The following SCHIP1 variants were observed in gnomAD, a reference collection of about 807,000 sequenced individuals.
SCHIP1 encodes the protein schwannomin-interacting protein 1.
In SCHIP1, 8 loss-of-function variants were observed where a neutral mutation model predicts 29.7. The observed-to-expected ratio is 0.27, with a 90% CI of 0.16 to 0.49. The LOEUF (loss-of-function observed/expected upper bound fraction) is 0.49, where lower values mean the gene tolerates loss of function less well. Ranked by LOEUF, SCHIP1 falls within the 20% of genes least tolerant of loss-of-function variation. The pLI is 0.99. For missense variants in SCHIP1, 193 were observed against 294.6 expected, an observed-to-expected ratio of 0.66 and a Z score of 2.52; for synonymous variants, 76 against 94.9, an observed-to-expected ratio of 0.80 and a Z score of 1.16.
chr3:159,735,089 C>T, the SCHIP1 span, among the ~76,000 whole-genome samples: 3 of 152,164 alleles, frequency 2.0e-5, no homozygotes, highest in South Asian at 2.1e-4. Flanking sequence ...ACTCCATAGT[C>T]TTAAAGAACA....
At chr3:159,819,787 T>C in the SCHIP1 span, among the ~76,000 whole-genome samples, 4 of 152,190 alleles carry the variant, frequency 2.6e-5, no homozygotes, top group Non-Finnish European at 4.4e-5. Context: ...CTTCCATTCT[T>C]TGTACTGCAG....
chr3:159,661,377 A>G, the SCHIP1 span, among the ~76,000 whole-genome samples: 2 of 152,230 alleles, frequency 1.3e-5, no homozygotes, highest in Admixed American at 1.3e-4. Context: ...AGCTATGTAT[A>G]GACCATTCCC....
At chr3:159,337,825 G>A in the SCHIP1 span, among the ~76,000 whole-genome samples, 3,235 of 152,162 alleles carry the variant, frequency 0.021, 106 homozygotes, top group African/African-American at 0.075. Flanking sequence ...AGACTATCAA[G>A]CATTGTAAAA....
At chr3:159,569,926 GA>G in the SCHIP1 span, among the ~76,000 whole-genome samples, 1 of 152,194 alleles carries the variant, frequency 6.6e-6, no homozygotes, top group African/African-American at 2.4e-5. Flanking sequence ...CAGCGATAAT[GA>G]GCATTTTTTT....
At chr3:159,298,003 T>A in the SCHIP1 span, among the ~76,000 whole-genome samples, 23,612 of 152,234 alleles carry the variant, frequency 0.16, 2,129 homozygotes, top group Middle Eastern at 0.27. Flanking sequence ...GTGCCAGTCT[T>A]CTGCTCACTA....
At chr3:159,789,109 TTG>T in the SCHIP1 span, among the ~76,000 whole-genome samples, 2 of 149,724 alleles carry the variant, frequency 1.3e-5, no homozygotes, top group Non-Finnish European at 3.0e-5. Flanking sequence ...TGTATACAGG[TTG>T]TGTGTGTGTA....
At chr3:159,736,332 T>C in the SCHIP1 span, among the ~76,000 whole-genome samples, 1 of 152,226 alleles carries the variant, frequency 6.6e-6, no homozygotes, top group African/African-American at 2.4e-5. Flanking sequence ...CTGTGTTCCT[T>C]AAAAATATTT....
At chr3:159,805,460 GTAC>G in the SCHIP1 span, among the ~76,000 whole-genome samples, 1 of 152,212 alleles carries the variant, frequency 6.6e-6, no homozygotes, top group Admixed American at 6.5e-5. Flanking sequence ...ACCTTTAGAA[GTAC>G]TTTAATGAGT....
the SCHIP1 span, among the ~76,000 whole-genome samples, chr3:159,799,444 T>C: frequency 2.0e-5 from 3 of 152,302 alleles, no homozygotes; most frequent in East Asian, 3.9e-4. Flanking sequence ...GCACACAAAA[T>C]ATATGTTTAT....
At position 159,873,602 on chromosome 3, in the gene SCHIP1, T is replaced by G. The variant is rs141669256; in HGVS notation, c.149+7321T>G. ...TGCCTAATAGTGCAGCAAAATAATA[T>G]TTGATGTTGCTTCATAACTCAACTA... On this transcript the variant is annotated intron_variant, in intron 2 of 6. Coordinates refer to ENST00000445224, the Ensembl canonical transcript of SCHIP1. Among the ~76,000 whole-genome samples, 864 of 152,318 alleles carry G rather than the reference T, an allele frequency of 5.7e-3. 12 individuals are homozygous for G. Among genetic ancestry groups the G allele is most frequent in the African/African-American group, 0.02 (826 of 41,558 alleles).
the SCHIP1 span, among the ~76,000 whole-genome samples, chr3:159,630,469 A>G: frequency 6.6e-6 from 1 of 152,060 alleles, no homozygotes; most frequent in South Asian, 2.1e-4. Context: ...AAAATGTGGT[A>G]TATATATATA....
At chr3:159,780,666 G>A in the SCHIP1 span, among the ~76,000 whole-genome samples, 1 of 152,138 alleles carries the variant, frequency 6.6e-6, no homozygotes, top group African/African-American at 2.4e-5. Flanking sequence ...CATTCGTCTC[G>A]GCATCTTGTC....
chr3:159,432,812 G>T, the SCHIP1 span, among the ~76,000 whole-genome samples: 1 of 152,266 alleles, frequency 6.6e-6, no homozygotes, highest in South Asian at 2.1e-4. Flanking sequence ...GAATGGGAAA[G>T]GGAGGGAGCG....
At chr3:159,431,833 A>G in the SCHIP1 span, among the ~76,000 whole-genome samples, 1 of 151,830 alleles carries the variant, frequency 6.6e-6, no homozygotes. Context: ...AGTAGGTAAA[A>G]GCAATGATTT....
At chr3:159,543,190 TTTG>T in the SCHIP1 span, among the ~76,000 whole-genome samples, 1 of 150,720 alleles carries the variant, frequency 6.6e-6, no homozygotes, top group Non-Finnish European at 1.5e-5. Context: ...ACTTTTATTT[TTTG>T]TTTTGTTTTG....
chr3:159,825,782 A>C, the SCHIP1 span, among the ~76,000 whole-genome samples: 2 of 152,170 alleles, frequency 1.3e-5, no homozygotes, highest in African/African-American at 2.4e-5. Context: ...GGAAAAAAAA[A>C]CAGTATGCTA....
At chr3:159,297,412 A>T in the SCHIP1 span, among the ~76,000 whole-genome samples, 1 of 152,108 alleles carries the variant, frequency 6.6e-6, no homozygotes, top group African/African-American at 2.4e-5. Flanking sequence ...TTACATTTCC[A>T]CTAACAGTTG....
chr3:159,591,399 C>A, the SCHIP1 span, among the ~76,000 whole-genome samples: 1 of 152,170 alleles, frequency 6.6e-6, no homozygotes, highest in South Asian at 2.1e-4. Flanking sequence ...ACCATTTGAC[C>A]CAGCAATCCC....
the SCHIP1 span, among the ~76,000 whole-genome samples, chr3:159,437,992 G>T: frequency 6.6e-6 from 1 of 152,122 alleles, no homozygotes; most frequent in Non-Finnish European, 1.5e-5. Flanking sequence ...TAAAATGGGG[G>T]ATAGTAATAG....
Sources: allele counts gnomAD v4.1 joint callset (sites outside exome capture counted in the v4.1 genomes callset), GRCh38; gene constraint gnomAD v4.1.1; transcripts MANE v1.5; gene names NCBI Gene and HGNC (gene_info 2026-07-23, HGNC 2026-07-21).